The following ADD1 variants were observed in gnomAD, a reference collection of about 807,000 sequenced individuals.
The protein encoded by ADD1 is adducin 1.
ADD1 carries 24 observed loss-of-function variants against 80.5 expected under a neutral mutation model. That is an observed-to-expected ratio of 0.30 (90% CI 0.22 to 0.42). The LOEUF (loss-of-function observed/expected upper bound fraction) is 0.42. Ranked by LOEUF, ADD1 falls within the 10% of genes least tolerant of loss-of-function variation. ADD1 has a pLI of 1.00. For missense variants in ADD1, 948 were observed against 1,019.0 expected, an observed-to-expected ratio of 0.93 and a Z score of 0.95; for synonymous variants, 373 against 393.8, an observed-to-expected ratio of 0.95 and a Z score of 0.63.
chr4:2,926,243 AC>A lies in ADD1; in HGVS notation c.2047+133del, dbSNP rs766778158. ...GCTTGCATCAGCGCCAGGACGTGAC[AC>A]CTTTCTCCTCCTATATTGCTTCTGT... is the stretch of plus-strand genomic sequence containing the variant. On this transcript the variant is annotated intron_variant, in intron 15 of 15. Transcript: ENST00000683351. This position sits in a 1 kb window ranked among gnomAD's most constrained non-coding sequence, Gnocchi z 5.0. 28 of 814,154 alleles carry A rather than the reference AC, an allele frequency of 3.4e-5. 2 individuals are homozygous for A. The South Asian group carries it at 3.9e-4, about 11-fold the overall frequency. 50.4% of individuals were successfully genotyped at this position (814,154 alleles called of 1,614,324 possible).
intron 4 of ADD1, among the ~76,000 whole-genome samples, chr4:2,886,773 A>C (rs1021635197): frequency 6.6e-6 from 1 of 152,220 alleles, no homozygotes; most frequent in Non-Finnish European, 1.5e-5. Flanking sequence ...CAGTTAGCCT[A>C]GCACAAATGC....
intron 1 of ADD1, among the ~76,000 whole-genome samples, chr4:2,874,433 G>T (rs1011790020): frequency 1.3e-5 from 2 of 151,654 alleles, no homozygotes; most frequent in African/African-American, 4.8e-5. Context: ...ATGGTGAAAC[G>T]CCGTCTCTAC....
At chr4:2,908,653 C>T (rs763037848) in intron 12 of ADD1, 49 bp downstream of exon 12, 15 of 1,462,754 alleles carry the variant, frequency 1.0e-5, no homozygotes, top group African/African-American at 2.8e-5. Flanking sequence ...GCTGTGTGAC[C>T]GCCTGCTCCA....
At chr4:2,904,619 G>T in intron 9 of ADD1, 145 bp from the exon 10 acceptor site, 1 of 722,788 alleles carries the variant, frequency 1.4e-6, no homozygotes. Context: ...TTGCTTCTGT[G>T]GGGTGTAAAA....
chr4:2,875,939 G>A lies in ADD1; in HGVS notation c.24G>A (p.Ala8=), dbSNP rs1171061259. The A allele has an allele frequency of 2.5e-6, 4 of 1,605,982 alleles. No individual in the cohort carries two copies. The highest frequency in any genetic ancestry group is 1.7e-4 in the Middle Eastern group (1 of 6,010). The change falls in exon 2 of 16, where the codon GCG becomes GCA. Residue 8 remains alanine (A), a synonymous_variant. Transcript: ENST00000683351. MNGDSRA[A]VVTSPPPTTA... ...CAATGAATGGTGATTCTCGTGCTGC[G>A]GTGGTGACCTCACCACCCCCGACCA...
chr4:2,881,883 A>G lies in ADD1; in HGVS notation c.196-15A>G, dbSNP rs1352117224. The G allele has an allele frequency of 6.3e-7, 1 of 1,590,242 alleles. No individual in the cohort carries two copies. Among genetic ancestry groups the G allele is most frequent in the Non-Finnish European group, 8.5e-7 (1 of 1,170,644 alleles). On this transcript the variant is annotated splice_polypyrimidine_tract_variant and intron_variant, in intron 2 of 15. Coordinates refer to ENST00000683351, the MANE Select transcript of ADD1 (RefSeq NM_001354761.2). ...AAAATAAATGGTATCTCAGTGTTTT[A>G]ATATTTTTTATTAGGCTTTCTGTGA...
At chr4:2,864,664 TAGG>T (rs1729281122) in intron 1 of ADD1, among the ~76,000 whole-genome samples, 1 of 152,016 alleles carries the variant, frequency 6.6e-6, no homozygotes. Flanking sequence ...TAATCACTCT[TAGG>T]TGTTTACACT....
chr4:2,870,326 C>T (rs767052300), intron 1 of ADD1, among the ~76,000 whole-genome samples: 2 of 152,132 alleles, frequency 1.3e-5, no homozygotes, highest in Admixed American at 1.3e-4. Context: ...TTGTTATTTC[C>T]GAGTCAGTAA....
intron 1 of ADD1, among the ~76,000 whole-genome samples, chr4:2,866,924 A>T (rs1051617937): frequency 6.6e-6 from 1 of 152,132 alleles, no homozygotes; most frequent in Non-Finnish European, 1.5e-5. Context: ...TATAATAATT[A>T]TCTGGGCATG....
intron 1 of ADD1, among the ~76,000 whole-genome samples, chr4:2,874,929 T>C (rs1430769853): frequency 1.3e-5 from 2 of 152,140 alleles, no homozygotes; most frequent in African/African-American, 4.8e-5. Flanking sequence ...GTGGTTCATA[T>C]GCACATTTGA....
At chr4:2,910,784 C>A (rs1031027613) in intron 13 of ADD1, among the ~76,000 whole-genome samples, 1 of 152,164 alleles carries the variant, frequency 6.6e-6, no homozygotes, top group African/African-American at 2.4e-5. Context: ...GGGTCCGTAC[C>A]TTCTGAACAC....
chr4:2,880,677 A>G (rs1188842570), intron 2 of ADD1, among the ~76,000 whole-genome samples: 6 of 151,456 alleles, frequency 4.0e-5, no homozygotes, highest in African/African-American at 1.2e-4. Flanking sequence ...GGGTTTCACC[A>G]TGTTAGCCAG....
chr4:2,894,508 CA>C (rs898922221), intron 5 of ADD1, 73 bp from the exon 6 acceptor site: 128,475 of 1,057,506 alleles, frequency 0.12, no homozygotes, highest in Middle Eastern at 0.15. Context: ...CAGACCCTAT[CA>C]AAAAAAAAAA....
chr4:2,845,139 C>T (rs1342230675), intron 1 of ADD1, among the ~76,000 whole-genome samples: 1 of 152,070 alleles, frequency 6.6e-6, no homozygotes, highest in African/African-American at 2.4e-5. Context: ...GTGGCGCGAT[C>T]TCCAGTCACT....
In ADD1 at chr4:2,909,401, T is replaced by C. The variant is rs1006553435; in HGVS notation, c.1761T>C (p.Phe587=). 1.3e-6 allele frequency: 2 copies of C among 1,550,354 alleles called. No individual in the cohort carries two copies. Among genetic ancestry groups the C allele is most frequent in the Non-Finnish European group, 1.7e-6 (2 of 1,146,892 alleles). The part of the protein sequence containing the change: ...IEGLELTEQT[F]SPAKSLSFRK... Reference sequence around the variant, plus strand: ...GGCTCGAGCTTACAGAGCAGACCTTTAGTCCCGCTAAATCTCTCTCTTTTA... The same window carrying C: ...GGCTCGAGCTTACAGAGCAGACCTTCAGTCCCGCTAAATCTCTCTCTTTTA... Residue 587 remains phenylalanine, a synonymous_variant, in exon 13 of 16, where the codon TTT becomes TTC. Coordinates refer to ENST00000683351, the MANE Select transcript of ADD1 (RefSeq NM_001354761.2).
intron 1 of ADD1, among the ~76,000 whole-genome samples, chr4:2,872,441 C>T (rs1450323844): frequency 6.6e-6 from 1 of 152,234 alleles, no homozygotes; most frequent in South Asian, 2.1e-4. Flanking sequence ...TATGGCATTA[C>T]ATAATAGAAT....
chr4:2,887,985 G>A (rs1034415387), intron 4 of ADD1, among the ~76,000 whole-genome samples: 1 of 151,994 alleles, frequency 6.6e-6, no homozygotes, highest in African/African-American at 2.4e-5. Flanking sequence ...TAATAGATCT[G>A]TTAGTTAAGC....
In ADD1 at chr4:2,927,537, C is replaced by A. The variant is rs112669105; in HGVS notation, c.2048-634C>A. 5.1e-3 allele frequency among the ~76,000 whole-genome samples: 770 copies of A among 152,336 alleles called. 2 individuals are homozygous for A. Among genetic ancestry groups the A allele is most frequent in the Non-Finnish European group, 8.3e-3 (563 of 68,022 alleles). On this transcript the variant is annotated intron_variant, in intron 15 of 15. Transcript: ENST00000683351. ...TGCCCGGGTAAGTGCAAGGAAGGCG[C>A]CCCCAGGCTGTGTCCTCAGGGCCGC...
rs34755960 is a variant in ADD1, at chr4:2,899,472, G to C, written c.1161+37G>C. 1,177 of 1,612,250 alleles carry C rather than the reference G, an allele frequency of 7.3e-4. 1 individual carries two copies. Among genetic ancestry groups the C allele is most frequent in the Non-Finnish European group, 9.2e-4 (1,083 of 1,178,552 alleles). ...GCCACCACTTGATGATAAACCTTTTGTTCTAAAAGCATCAGTGTTGGTGTT... is the reference window on the plus strand; with the variant it reads ...GCCACCACTTGATGATAAACCTTTTCTTCTAAAAGCATCAGTGTTGGTGTT... On this transcript the variant is annotated intron_variant, in intron 9 of 15. Transcript: ENST00000683351.
Sources: gnomAD v4.1 joint callset for allele counts (sites outside exome capture counted in the v4.1 genomes callset) on GRCh38, gnomAD v4.1.1 for gene constraint, Gnocchi (gnomAD v3.1) non-coding constraint, MANE v1.5 for transcripts, NCBI Gene and HGNC (gene_info 2026-07-23, HGNC 2026-07-21) for gene names.